SDK2: variants seen among roughly 807,000 people sequenced by gnomAD.
The protein encoded by SDK2 is sidekick cell adhesion molecule 2, also known as protein sidekick-2.
A neutral mutation model predicts 253.9 loss-of-function variants in SDK2; 105 were observed. The observed-to-expected ratio is 0.41, with a 90% confidence interval of 0.35 to 0.49. The LOEUF is 0.49. Among genes scored for constraint, SDK2 ranks in the 20% least tolerant of loss-of-function variants. The probability of loss-of-function intolerance (pLI) is 0.06; values close to 1 mark genes in which losing one functional copy is unlikely to be tolerated. For missense variants in SDK2, 2,608 were observed against 3,003.0 expected, an observed-to-expected ratio of 0.87 and a Z score of 3.07; for synonymous variants, 1,249 against 1,234.9, an observed-to-expected ratio of 1.01 and a Z score of -0.24.
At chr17:73,402,825 T>TCTTA (rs2063039802) in intron 18 of SDK2, among the ~76,000 whole-genome samples, 2 of 151,958 alleles carry the variant, frequency 1.3e-5, no homozygotes, top group Admixed American at 1.3e-4. Flanking sequence ...TGAGACAGAG[T>TCTTA]CTTACTTTGT....
chr17:73,423,682 G>C (rs1362627840), intron 13 of SDK2, among the ~76,000 whole-genome samples, 160 bp from the exon 14 acceptor site: 2 of 152,290 alleles, frequency 1.3e-5, no homozygotes, highest in African/African-American at 4.8e-5. Context: ...TTTTCTCTCT[G>C]GAACCAGAGC....
intron 1 of SDK2, among the ~76,000 whole-genome samples, chr17:73,602,724 TTTG>T (rs563554447): frequency 2.0e-4 from 31 of 151,518 alleles, no homozygotes; most frequent in Middle Eastern, 6.8e-3. Flanking sequence ...CTGGCGCTAT[TTTG>T]TTGTTGTTGT....
At chr17:73,424,532 A>G (rs2063263733) in intron 12 of SDK2, among the ~76,000 whole-genome samples, 2 of 152,232 alleles carry the variant, frequency 1.3e-5, no homozygotes, top group South Asian at 4.1e-4. Context: ...CATCAGTGTG[A>G]CAAATTGACT....
At chr17:73,405,511 T>TAC (rs1256454052) in intron 18 of SDK2, among the ~76,000 whole-genome samples, 4 of 32,040 alleles carry the variant, frequency 1.2e-4, no homozygotes, top group Non-Finnish European at 1.9e-4. Flanking sequence ...TATATATATA[T>TAC]ATATATAAAG....
At position 73,435,484 on chromosome 17, in the gene SDK2, G is replaced by A. The variant is rs757386726; in HGVS notation, c.1161C>T (p.Gly387=). The A allele has an allele frequency of 3.1e-6, 5 of 1,598,826 alleles. No individual in the cohort carries two copies. Among genetic ancestry groups the A allele is most frequent in the East Asian group, 2.3e-5 (1 of 44,086 alleles). ...MFQCFARNAA[G]EVQTSTYLAV... Reference sequence around the variant, plus strand: ...CCAGGTAGGTGGAAGTTTGCACCTCGCCGGCTGCATTGCGGGCGAAGCACT... The same window carrying A: ...CCAGGTAGGTGGAAGTTTGCACCTCACCGGCTGCATTGCGGGCGAAGCACT... Residue 387 remains glycine (G), a synonymous_variant, in exon 9 of 45, where the codon GGC becomes GGT. Transcript: ENST00000392650. This position sits in a 1 kb window ranked among gnomAD's most constrained non-coding sequence, Gnocchi z 5.7.
intron 1 of SDK2, among the ~76,000 whole-genome samples, chr17:73,617,490 G>A (rs2046076232): frequency 6.6e-6 from 1 of 152,136 alleles, no homozygotes; most frequent in African/African-American, 2.4e-5. Flanking sequence ...CTTCAGCCAA[G>A]GTGGGGAGGA....
At chr17:73,426,975 C>T (rs1431997101) in intron 12 of SDK2, among the ~76,000 whole-genome samples, 3 of 152,076 alleles carry the variant, frequency 2.0e-5, no homozygotes, top group Non-Finnish European at 4.4e-5. Flanking sequence ...GTCCCAGCTA[C>T]TCGGGAGGCT....
intron 2 of SDK2, among the ~76,000 whole-genome samples, chr17:73,485,471 T>A (rs546017554): frequency 6.6e-6 from 1 of 152,234 alleles, no homozygotes; most frequent in African/African-American, 2.4e-5. Flanking sequence ...GCTGGGCCAG[T>A]CCCCACCAGG....
chr17:73,610,630 G>A (rs1487275295), intron 1 of SDK2, among the ~76,000 whole-genome samples: 1 of 152,162 alleles, frequency 6.6e-6, no homozygotes, highest in Non-Finnish European at 1.5e-5. Flanking sequence ...GAGTATGTGT[G>A]CATGTTTATG....
rs748530818 is a variant in SDK2, at chr17:73,394,297, G to A, written c.3620C>T (p.Ser1207Phe). The part of the protein sequence containing the change: ...SVPSSGPTNV[S>F]ALATTSSSML... ...GCTGCTGGAGGTGGTGGCCAGTGCA[G>A]ACACATTGGTGGGGCCGGAAGAGGG... Residue 1207 changes from serine to phenylalanine, a missense_variant, in exon 26 of 45, where the codon TCT (serine) becomes TTT (phenylalanine). Transcript: ENST00000392650. 8 of 1,599,140 alleles carry A rather than the reference G, an allele frequency of 5.0e-6. No individual in the cohort carries two copies. The East Asian group carries it at 1.8e-4, about 36-fold the overall frequency.
At chr17:73,585,501 G>T (rs572583911) in intron 1 of SDK2, among the ~76,000 whole-genome samples, 54 of 152,176 alleles carry the variant, frequency 3.5e-4, no homozygotes, top group Non-Finnish European at 6.8e-4. Flanking sequence ...GGTGCTGCGG[G>T]TCTGTGGGCC....
intron 30 of SDK2, among the ~76,000 whole-genome samples, chr17:73,387,122 G>A (rs1430938799): frequency 1.3e-5 from 2 of 152,148 alleles, no homozygotes; most frequent in African/African-American, 2.4e-5. Flanking sequence ...TACCACACCT[G>A]GCTAATTTTT....
Position 73,352,347 on chromosome 17 carries a change from AAT to A in SDK2, c.5758+124_5758+125del, listed in dbSNP as rs1455260093. On this transcript the variant is annotated intron_variant, in intron 41 of 44. Transcript: ENST00000392650. This position sits in a 1 kb window ranked among gnomAD's most constrained non-coding sequence, Gnocchi z 4.1. ...TGCCTCTTCACAGCCCCGAGGGGAC[AAT>A]GTGTTTTTGTTCCCGCCCCATGCTC... 24 of 1,191,308 alleles carry A rather than the reference AAT, an allele frequency of 2.0e-5. No individual in the cohort carries two copies. Among genetic ancestry groups the A allele is most frequent in the Non-Finnish European group, 2.6e-5 (22 of 859,438 alleles). The allele number at this position is 1,191,308 out of a possible 1,614,324, so 73.8% of individuals were successfully genotyped here.
At chr17:73,345,520 AGC>A (rs1432780148) in intron 44 of SDK2, among the ~76,000 whole-genome samples, 1 of 152,216 alleles carries the variant, frequency 6.6e-6, no homozygotes, top group Non-Finnish European at 1.5e-5. Flanking sequence ...GTTCCTATAT[AGC>A]GTCTGATTCC....
intron 2 of SDK2, among the ~76,000 whole-genome samples, chr17:73,483,625 GTATA>G (rs1248439292): frequency 2.1e-3 from 221 of 107,434 alleles, no homozygotes; most frequent in Middle Eastern, 0.014. Flanking sequence ...GTATATATAT[GTATA>G]TGTATATATA....
intron 3 of SDK2, among the ~76,000 whole-genome samples, chr17:73,463,941 C>T (rs913766351): frequency 6.6e-6 from 1 of 152,152 alleles, no homozygotes; most frequent in Non-Finnish European, 1.5e-5. Context: ...TTTGCATAAA[C>T]CCCAGTTGGT....
intron 1 of SDK2, among the ~76,000 whole-genome samples, chr17:73,532,433 C>T (rs1382370385): frequency 6.6e-6 from 1 of 152,198 alleles, no homozygotes; most frequent in Non-Finnish European, 1.5e-5. Context: ...AAACAGGAGG[C>T]CTGGGCTGCG....
rs147112459 is a variant in SDK2, at chr17:73,414,688, C to T, written c.2440G>A (p.Ala814Thr). 2.5e-5 allele frequency: 40 copies of T among 1,613,922 alleles called. No homozygotes were observed. The highest frequency in any genetic ancestry group is 2.3e-4 in the African/African-American group (17 of 74,994). ...NSTTIRFTWN[A>T]PSPQFINGIN... is the part of the protein sequence containing the mutation. ...CCGTTGATGAACTGGGGGCTGGGGG[C>T]GTTCCAGGTGAAGCGGATGGTCGTG... The change falls in exon 18 of 45, where the codon GCC becomes ACC. Residue 814 changes from alanine to threonine, a missense_variant. Physicochemically the swap from Ala to Thr is moderately conservative, Grantham distance 58 (BLOSUM62 0). This residue lies in a region of SDK2 where 1,505 missense variants were observed against 1,859.1 expected (regional missense o/e 0.81). Transcript: ENST00000392650.
In SDK2 at chr17:73,609,628, A is replaced by G. The variant is rs563054231; in HGVS notation, c.64+34397T>C. Reference sequence around the variant, plus strand: ...GGTTTGTTTTTTCAAGATGGGAGAAATCACAAAGCATTTCTCTGCTAATGG... The same window carrying G: ...GGTTTGTTTTTTCAAGATGGGAGAAGTCACAAAGCATTTCTCTGCTAATGG... On this transcript the variant is annotated intron_variant, in intron 1 of 44. Transcript: ENST00000392650. The surrounding 1 kb of genome is among the most constrained non-coding windows in gnomAD (Gnocchi z 4.4). Among the ~76,000 whole-genome samples the G allele has an allele frequency of 6.6e-6, 1 of 152,282 alleles. No homozygotes were observed. Among genetic ancestry groups the G allele is most frequent in the East Asian group, 1.9e-4 (1 of 5,182 alleles).
Sources: allele counts gnomAD v4.1 joint callset (sites outside exome capture counted in the v4.1 genomes callset), GRCh38; gene constraint gnomAD v4.1.1; regional missense constraint gnomAD v4.1.1; non-coding constraint Gnocchi (gnomAD v3.1); transcripts MANE v1.5; gene names NCBI Gene and HGNC (gene_info 2026-07-23, HGNC 2026-07-21).